PTGR1: variants seen among roughly 807,000 people sequenced by gnomAD.
PTGR1 encodes the protein 15-oxoprostaglandin 13-reductase.
PTGR1 carries 23 observed loss-of-function variants against 37.7 expected under a neutral mutation model. That is an observed-to-expected ratio of 0.61 (90% CI 0.44 to 0.86). PTGR1 has a LOEUF of 0.86. Among genes scored for constraint, PTGR1 ranks in the 40% least tolerant of loss-of-function variants. PTGR1 has a pLI of 0.00. For missense variants in PTGR1, 351 were observed against 394.3 expected (o/e 0.89, Z 0.93); for synonymous variants, 134 against 140.0 (o/e 0.96, Z 0.30).
intron 4 of PTGR1, among the ~76,000 whole-genome samples, chr9:111,587,547 G>C (rs920063364): frequency 1.3e-5 from 2 of 152,162 alleles, no homozygotes; most frequent in African/African-American, 2.4e-5. Flanking sequence ...TGACTCCCGG[G>C]TTCAAGCAGT....
intron 2 of PTGR1, among the ~76,000 whole-genome samples, chr9:111,595,691 T>C (rs568060829): frequency 2.0e-5 from 3 of 152,260 alleles, no homozygotes; most frequent in Admixed American, 2.0e-4. Flanking sequence ...TGGAGTGCAG[T>C]GGCGCGATCT....
At chr9:111,557,183 G>A (rs142938199) in intron 9 of PTGR1, among the ~76,000 whole-genome samples, 1 of 152,198 alleles carries the variant, frequency 6.6e-6, no homozygotes, top group African/African-American at 2.4e-5. Context: ...CACATGGAAT[G>A]GCTAACGGGG....
intron 6 of PTGR1, among the ~76,000 whole-genome samples, chr9:111,581,912 GA>G (rs1390210071): frequency 2.0e-5 from 3 of 152,062 alleles, no homozygotes; most frequent in South Asian, 2.1e-4. Context: ...AGAATATGGG[GA>G]AAAAATATAC....
intron 4 of PTGR1, chr9:111,592,350 A>G (rs921021122): frequency 6.6e-6 from 1 of 152,276 alleles, no homozygotes; most frequent in African/African-American, 2.4e-5. Flanking sequence ...GTAAATTCTT[A>G]TCTCTGTATA....
chr9:111,562,593 A>G lies in PTGR1; in HGVS notation c.*528T>C, dbSNP rs906837822. 2.0e-5 allele frequency: 3 copies of G among 151,824 alleles called. No homozygotes were observed. Among genetic ancestry groups the G allele is most frequent in the Admixed American group, 1.3e-4 (2 of 15,216 alleles). 9.4% of individuals were successfully genotyped at this position (151,824 alleles called of 1,614,324 possible). ...CCGGCTAACTTTTTTTTTTAATTTAATTTTATTTTATTTTCAGTTCCGGGA... is the reference window on the plus strand; with the variant it reads ...CCGGCTAACTTTTTTTTTTAATTTAGTTTTATTTTATTTTCAGTTCCGGGA... On this transcript the variant is annotated 3_prime_UTR_variant, in exon 10 of 10. Coordinates refer to ENST00000407693, the MANE Select transcript of PTGR1 (RefSeq NM_001146108.2).
At chr9:111,561,567 G>A (rs938024771), downstream of PTGR1, among the ~76,000 whole-genome samples, 7 of 152,110 alleles carry the variant, frequency 4.6e-5, no homozygotes, top group African/African-American at 1.7e-4. Context: ...TGGCCCTTCA[G>A]TAATGTTTTA....
At chr9:111,576,167 CAA>C (rs35670507) in intron 7 of PTGR1, among the ~76,000 whole-genome samples, 4 of 110,056 alleles carry the variant, frequency 3.6e-5, no homozygotes, top group Non-Finnish European at 5.7e-5. Context: ...GACTGAGTCT[CAA>C]AAAAAAAAAA....
intron 9 of PTGR1, 56 bp from the exon 10 acceptor site, chr9:111,563,287 C>T: frequency 4.0e-6 from 6 of 1,484,162 alleles, no homozygotes; most frequent in Non-Finnish European, 5.5e-6. Context: ...CAATGATATA[C>T]TGTTCTCATC....
At chr9:111,559,629 A>AAC (rs905762878), downstream of PTGR1, among the ~76,000 whole-genome samples, 11 of 147,054 alleles carry the variant, frequency 7.5e-5, no homozygotes, top group Non-Finnish European at 1.5e-4. Context: ...ATACATATAT[A>AAC]ACACACACAC....
chr9:111,586,110 GAGAAGCCAGTACAAT>G lies in PTGR1; in HGVS notation c.250_264del (p.Ile84_Ser88del). 6.2e-7 allele frequency: 1 copy of G among 1,614,168 alleles called. No individual in the cohort carries two copies. The highest frequency in any genetic ancestry group is 1.1e-5 in the South Asian group (1 of 91,080). ...GAAATGGAGTGCGTTGTCCAGCCTG[GAGAAGCCAGTACAAT>G]AGTTCCTTTTGGTAGGGCTACATTT... On this transcript the variant is annotated inframe_deletion, in exon 5 of 10. Transcript: ENST00000407693.
chr9:111,576,622 T>C, intron 7 of PTGR1: 1 of 537,442 alleles, frequency 1.9e-6, no homozygotes, highest in African/African-American at 1.9e-5. Flanking sequence ...TAAAAGCTAC[T>C]AGGATGAGTT....
At chr9:111,596,197 T>A (rs1829774961) in intron 2 of PTGR1, among the ~76,000 whole-genome samples, 1 of 152,240 alleles carries the variant, frequency 6.6e-6, no homozygotes. Flanking sequence ...CACCCTTGTG[T>A]GCTTGTCTCC....
At chr9:111,574,706 T>C (rs139522852) in intron 8 of PTGR1, 28 bp downstream of exon 8, 1 of 1,523,876 alleles carries the variant, frequency 6.6e-7, no homozygotes, top group African/African-American at 1.4e-5. Flanking sequence ...CCTTGTGACA[T>C]ATGGGATCGT....
intron 4 of PTGR1, among the ~76,000 whole-genome samples, chr9:111,588,785 C>G (rs1829519966): frequency 6.6e-6 from 1 of 152,134 alleles, no homozygotes; most frequent in African/African-American, 2.4e-5. Context: ...CTCAGCCTCC[C>G]AAAGTACTGA....
chr9:111,574,638 T>C, intron 8 of PTGR1, 96 bp downstream of exon 8: 1 of 778,582 alleles, frequency 1.3e-6, no homozygotes, highest in Non-Finnish European at 2.0e-6. Flanking sequence ...TGAAAATCTT[T>C]CTAATAATTT....
chr9:111,579,091 T>G, intron 6 of PTGR1, 140 bp from the exon 7 acceptor site: 1 of 780,862 alleles, frequency 1.3e-6, no homozygotes, highest in Non-Finnish European at 1.9e-6. Context: ...AATACCATAA[T>G]GGGCCAACAG....
chr9:111,587,517 T>C (rs1277903063), intron 4 of PTGR1, among the ~76,000 whole-genome samples: 6 of 152,286 alleles, frequency 3.9e-5, no homozygotes. Context: ...AATGGTGCCA[T>C]CTCGGCATAC....
chr9:111,594,288 T>C (rs761341084), intron 2 of PTGR1, 21 bp from the exon 3 acceptor site: 17 of 1,609,144 alleles, frequency 1.1e-5, no homozygotes, highest in Admixed American at 8.3e-5. Context: ...AAGCATTCCA[T>C]AGGCAATTAG....
intron 3 of PTGR1, among the ~76,000 whole-genome samples, chr9:111,593,343 G>T (rs771977917): frequency 6.6e-6 from 1 of 152,054 alleles, no homozygotes; most frequent in African/African-American, 2.4e-5. Flanking sequence ...CACTAGCTAC[G>T]CAAAAAGATG....
Sources: gnomAD v4.1 joint callset for allele counts (sites outside exome capture counted in the v4.1 genomes callset) on GRCh38, gnomAD v4.1.1 for gene constraint, MANE v1.5 for transcripts, NCBI Gene and HGNC (gene_info 2026-07-23, HGNC 2026-07-21) for gene names.